EMC6: variants seen among roughly 807,000 people sequenced by gnomAD.
EMC6 encodes the protein transmembrane protein 93.
In EMC6, 1 loss-of-function variant was observed where a neutral mutation model predicts 6.5. The ratio of observed to expected loss-of-function variants is 0.15; its 90% CI spans 0.05 to 0.73. The LOEUF (loss-of-function observed/expected upper bound fraction) is 0.73, where lower values mean the gene tolerates loss of function less well. Among genes scored for constraint, EMC6 ranks in the 30% least tolerant of loss-of-function variants. The pLI is 0.78. For synonymous variants in EMC6, 96 were observed against 74.3 expected (o/e 1.29, Z -1.50); for missense variants, 114 against 146.7 (o/e 0.78, Z 1.15).
In EMC6 at chr17:3,668,944, TC is replaced by T; in HGVS notation, c.-50+48del. The stretch of plus-strand genomic sequence containing the variant: ...CGGGGAACGCAGACGCGCCACCACC[TC>T]CCGGCCGGCCCGGACCCTCAATCTC... On this transcript the variant is annotated intron_variant, in intron 1 of 1. Coordinates refer to ENST00000248378, the MANE Select transcript of EMC6 (RefSeq NM_031298.4). The surrounding 1 kb of genome is among the most constrained non-coding windows in gnomAD (Gnocchi z 4.1). The T allele has an allele frequency of 1.7e-6, 1 of 585,160 alleles. No individual in the cohort carries two copies. Among genetic ancestry groups the T allele is most frequent in the East Asian group, 3.0e-5 (1 of 32,946 alleles). 36.2% of individuals were successfully genotyped at this position (585,160 alleles called of 1,614,324 possible).
chr17:3,669,269 C>T lies in EMC6; in HGVS notation c.123C>T (p.Ala41=), dbSNP rs1453022195. ...TSVSALSGAT[A]GILGLTGLYG... ...TGTCAGCGCTGTCGGGGGCCACGGC[C>T]GGCATCCTCGGCCTCACCGGCCTCT... The change falls in exon 2 of 2, where the codon GCC becomes GCT. Residue 41 remains alanine, a synonymous_variant. Coordinates refer to ENST00000248378, the MANE Select transcript of EMC6 (RefSeq NM_031298.4). 4 of 1,613,898 alleles carry T rather than the reference C, an allele frequency of 2.5e-6. No homozygotes were observed. Among genetic ancestry groups the T allele is most frequent in the Non-Finnish European group, 2.5e-6 (3 of 1,180,012 alleles).
Position 3,669,583 on chromosome 17 carries a change from G to A in EMC6, c.*104G>A, listed in dbSNP as rs971358902. ...TAGTTCTTAAGTGGTTGAATTCGCT[G>A]CTTGTTCTGTAACGTTATAAATAAT... On this transcript the variant is annotated 3_prime_UTR_variant, in exon 2 of 2. Coordinates refer to ENST00000248378, the MANE Select transcript of EMC6 (RefSeq NM_031298.4). The A allele has an allele frequency of 1.2e-6, 1 of 851,958 alleles. No homozygotes were observed. Among genetic ancestry groups the A allele is most frequent in the Non-Finnish European group, 1.8e-6 (1 of 555,984 alleles). The allele number at this position is 851,958 out of a possible 1,614,324, so 52.8% of individuals were successfully genotyped here.
rs2049976403 is a variant in EMC6 at position 3,669,295 on chromosome 17, A to G, written c.149A>G (p.Tyr50Cys). ...GGCATCCTCGGCCTCACCGGCCTCT[A>G]CGGCTTCATCTTCTACCTGCTCGCC... ...TAGILGLTGL[Y>C]GFIFYLLASV... Residue 50 changes from tyrosine (Y) to cysteine (C), a missense_variant, in exon 2 of 2, where the codon TAC becomes TGC. Transcript: ENST00000248378. 5 of 1,614,094 alleles carry G rather than the reference A, an allele frequency of 3.1e-6. No homozygotes were observed. The highest frequency in any genetic ancestry group is 4.2e-6 in the Non-Finnish European group (5 of 1,180,030).
Position 3,668,962 on chromosome 17 carries a change from C to G in EMC6, c.-50+63C>G. 1 of 630,488 alleles carries G rather than the reference C, an allele frequency of 1.6e-6. No homozygotes were observed. The highest frequency in any genetic ancestry group is 2.6e-6 in the Non-Finnish European group (1 of 380,030). The allele number at this position is 630,488 out of a possible 1,614,324, so 39.1% of individuals were successfully genotyped here. A position where few individuals can be genotyped will look rare whatever the true frequency, so the allele number is the denominator to read the frequency against. Reference sequence around the variant, plus strand: ...CACCACCTCCCGGCCGGCCCGGACCCTCAATCTCCTCGGCGTCTTTGGAAG... The same window carrying G: ...CACCACCTCCCGGCCGGCCCGGACCGTCAATCTCCTCGGCGTCTTTGGAAG... On this transcript the variant is annotated intron_variant, in intron 1 of 1. Coordinates refer to ENST00000248378, the MANE Select transcript of EMC6 (RefSeq NM_031298.4). The surrounding 1 kb of genome is among the most constrained non-coding windows in gnomAD (Gnocchi z 4.1).
In EMC6 at chr17:3,668,991, C is replaced by T. The variant is rs959658981; in HGVS notation, c.-50+92C>T. On this transcript the variant is annotated intron_variant, in intron 1 of 1. Coordinates refer to ENST00000248378, the MANE Select transcript of EMC6 (RefSeq NM_031298.4). The surrounding 1 kb of genome is among the most constrained non-coding windows in gnomAD (Gnocchi z 4.1). Reference sequence around the variant, plus strand: ...ATCTCCTCGGCGTCTTTGGAAGATCCGAGGCCCAGGACTGGTGCCAGGTCT... The same window carrying T: ...ATCTCCTCGGCGTCTTTGGAAGATCTGAGGCCCAGGACTGGTGCCAGGTCT... The T allele has an allele frequency of 4.3e-6, 3 of 704,750 alleles. No homozygotes were observed. Among genetic ancestry groups the T allele is most frequent in the East Asian group, 2.9e-5 (1 of 34,866 alleles). 43.7% of individuals were successfully genotyped at this position (704,750 alleles called of 1,614,324 possible).
At position 3,669,371 on chromosome 17, in the gene EMC6, C is replaced by A. The variant is rs752424338; in HGVS notation, c.225C>A (p.Asn75Lys). ...TTCTCAAGGCGGGAAGGAGGTGGAA[C>A]AAATATTTCAAATCACGGAGACCTC... ...LLILKAGRRW[N>K]KYFKSRRPLF... is the part of the protein sequence containing the mutation. Residue 75 changes from asparagine (N) to lysine (K), a missense_variant, in exon 2 of 2, where the codon AAC becomes AAA. Asn to Lys is a moderately conservative substitution (Grantham distance 94). Coordinates refer to ENST00000248378, the MANE Select transcript of EMC6 (RefSeq NM_031298.4). The A allele has an allele frequency of 5.0e-6, 8 of 1,614,144 alleles. No individual in the cohort carries two copies. The South Asian group carries it at 6.6e-5, about 13-fold the overall frequency.
chr17:3,669,032 G>T, intron 1 of EMC6, 66 bp from the exon 2 acceptor site: 1 of 972,766 alleles, frequency 1.0e-6, no homozygotes, highest in Non-Finnish European at 1.5e-6. Context: ...GCTCCAGGGG[G>T]AGGGGGCGGC....
Position 3,668,992 on chromosome 17 carries a change from G to T in EMC6, c.-50+93G>T, listed in dbSNP as rs950105653. ...TCTCCTCGGCGTCTTTGGAAGATCC[G>T]AGGCCCAGGACTGGTGCCAGGTCTC... is the stretch of plus-strand genomic sequence containing the variant. On this transcript the variant is annotated intron_variant, in intron 1 of 1. Transcript: ENST00000248378. The surrounding 1 kb of genome is among the most constrained non-coding windows in gnomAD (Gnocchi z 4.1). 7.1e-6 allele frequency: 5 copies of T among 703,352 alleles called. No individual in the cohort carries two copies. The highest frequency in any genetic ancestry group is 1.1e-5 in the Non-Finnish European group (5 of 443,222). The allele number at this position is 703,352 out of a possible 1,614,324, so 43.6% of individuals were successfully genotyped here.
In EMC6 at chr17:3,669,580, G is replaced by A. The variant is rs1180031628; in HGVS notation, c.*101G>A. 2.2e-6 allele frequency: 2 copies of A among 893,540 alleles called. No homozygotes were observed. The highest frequency in any genetic ancestry group is 3.4e-6 in the Non-Finnish European group (2 of 592,694). 55.4% of individuals were successfully genotyped at this position (893,540 alleles called of 1,614,324 possible). A position where few individuals can be genotyped will look rare whatever the true frequency, so the allele number is the denominator to read the frequency against. ...CCTTAGTTCTTAAGTGGTTGAATTC[G>A]CTGCTTGTTCTGTAACGTTATAAAT... On this transcript the variant is annotated 3_prime_UTR_variant, in exon 2 of 2. Coordinates refer to ENST00000248378, the MANE Select transcript of EMC6 (RefSeq NM_031298.4).
rs746064873 is a variant in EMC6 at position 3,669,221 on chromosome 17, C to T, written c.75C>T (p.Val25=). Residue 25 remains valine, a synonymous_variant, in exon 2 of 2, where the codon GTC becomes GTT. Transcript: ENST00000248378. Reference sequence around the variant, plus strand: ...CGGCCGTGCGGGGCAACGCCGCCGTCCTGGATTATTGCCGGACCTCGGTGT... The same window carrying T: ...CGGCCGTGCGGGGCAACGCCGCCGTTCTGGATTATTGCCGGACCTCGGTGT... ...SEAAVRGNAA[V]LDYCRTSVSA... is the part of the protein sequence containing the mutation. 3 of 1,610,364 alleles carry T rather than the reference C, an allele frequency of 1.9e-6. No homozygotes were observed. The East Asian group carries it at 6.7e-5, about 36-fold the overall frequency.
rs773160798 is a variant in EMC6, at chr17:3,669,104, G to C, written c.-43G>C. The C allele has an allele frequency of 2.7e-6, 4 of 1,457,064 alleles. No homozygotes were observed. Among genetic ancestry groups the C allele is most frequent in the South Asian group, 2.8e-5 (2 of 71,976 alleles). The allele number at this position is 1,457,064 out of a possible 1,614,324, so 90.3% of individuals were successfully genotyped here. A position where few individuals can be genotyped will look rare whatever the true frequency, so the allele number is the denominator to read the frequency against. ...AACTTGGTTTTCTCCGCAGCTCCGCGTTGTTCCGCGAGAAAGCGAGAGGCC... is the reference window on the plus strand; with the variant it reads ...AACTTGGTTTTCTCCGCAGCTCCGCCTTGTTCCGCGAGAAAGCGAGAGGCC... On this transcript the variant is annotated 5_prime_UTR_variant, in exon 2 of 2. Coordinates refer to ENST00000248378, the MANE Select transcript of EMC6 (RefSeq NM_031298.4).
chr17:3,669,443 C>T lies in EMC6; in HGVS notation c.297C>T (p.Phe99=). 6.2e-7 allele frequency: 1 copy of T among 1,612,736 alleles called. No homozygotes were observed. Among genetic ancestry groups the T allele is most frequent in the Non-Finnish European group, 8.5e-7 (1 of 1,179,214 alleles). The part of the protein sequence containing the change: ...LIGGLFTYVL[F]WTFLYGMVHV... ...GGGGCCTCTTCACCTACGTCCTGTT[C>T]TGGACGTTCCTCTACGGCATGGTGC... The change falls in exon 2 of 2, where the codon TTC becomes TTT. Residue 99 remains phenylalanine (F), a synonymous_variant. Coordinates refer to ENST00000248378, the MANE Select transcript of EMC6 (RefSeq NM_031298.4).
At position 3,669,491 on chromosome 17, in the gene EMC6, G is replaced by A. The variant is rs774908257; in HGVS notation, c.*12G>A. The stretch of plus-strand genomic sequence containing the variant: ...TGCACGTCTACTGAAATGGGGGCCC[G>A]GGGGACTTTTTTAAAAAACCAGATC... On this transcript the variant is annotated 3_prime_UTR_variant, in exon 2 of 2. Coordinates refer to ENST00000248378, the MANE Select transcript of EMC6 (RefSeq NM_031298.4). 1.4e-5 allele frequency: 22 copies of A among 1,565,188 alleles called. No individual in the cohort carries two copies. In the South Asian group the frequency reaches 2.4e-4, roughly 17 times the overall value.
Position 3,668,836 on chromosome 17 carries a change from C to T in EMC6, c.-113C>T, listed in dbSNP as rs1005429563. On this transcript the variant is annotated 5_prime_UTR_variant, in exon 1 of 2. Coordinates refer to ENST00000248378, the MANE Select transcript of EMC6 (RefSeq NM_031298.4). The surrounding 1 kb of genome is among the most constrained non-coding windows in gnomAD (Gnocchi z 4.1). Reference sequence around the variant, plus strand: ...CAGTCTTCCGAGCAAGATGGCGCCGCGGGCATTTCTTCCACTGCCCGTCTG... The same window carrying T: ...CAGTCTTCCGAGCAAGATGGCGCCGTGGGCATTTCTTCCACTGCCCGTCTG... The T allele has an allele frequency of 3.9e-6, 2 of 508,644 alleles. No individual in the cohort carries two copies. Among genetic ancestry groups the T allele is most frequent in the Admixed American group, 3.9e-5 (1 of 25,870 alleles). 31.5% of individuals were successfully genotyped at this position (508,644 alleles called of 1,614,324 possible). A position where few individuals can be genotyped will look rare whatever the true frequency, so the allele number is the denominator to read the frequency against.
chr17:3,669,102 G>A lies in EMC6; in HGVS notation c.-45G>A, dbSNP rs533024272. ...GTAACTTGGTTTTCTCCGCAGCTCC[G>A]CGTTGTTCCGCGAGAAAGCGAGAGG... On this transcript the variant is annotated 5_prime_UTR_variant, in exon 2 of 2. Transcript: ENST00000248378. 2.8e-6 allele frequency: 4 copies of A among 1,454,460 alleles called. No individual in the cohort carries two copies. The highest frequency in any genetic ancestry group is 1.4e-5 in the South Asian group (1 of 71,726). The allele number at this position is 1,454,460 out of a possible 1,614,324, so 90.1% of individuals were successfully genotyped here. A position where few individuals can be genotyped will look rare whatever the true frequency, so the allele number is the denominator to read the frequency against.
rs776453025 is a variant in EMC6, at chr17:3,669,569, T to G, written c.*90T>G. ...CATGTAGACTTCCTTAGTTCTTAAG[T>G]GGTTGAATTCGCTGCTTGTTCTGTA... is the stretch of plus-strand genomic sequence containing the variant. On this transcript the variant is annotated 3_prime_UTR_variant, in exon 2 of 2. Transcript: ENST00000248378. 16 of 1,050,126 alleles carry G rather than the reference T, an allele frequency of 1.5e-5. No individual in the cohort carries two copies. The highest frequency in any genetic ancestry group is 2.1e-5 in the Non-Finnish European group (15 of 729,050). The allele number at this position is 1,050,126 out of a possible 1,614,324, so 65.1% of individuals were successfully genotyped here.
rs1340156501 is a variant in EMC6 at position 3,669,312 on chromosome 17, C to T, written c.166C>T (p.Leu56=). ...CGGCCTCTACGGCTTCATCTTCTACCTGCTCGCCTCCGTCCTGCTCTCCCT... is the reference window on the plus strand; with the variant it reads ...CGGCCTCTACGGCTTCATCTTCTACTTGCTCGCCTCCGTCCTGCTCTCCCT... ...LTGLYGFIFY[L]LASVLLSLLL... The change falls in exon 2 of 2, where the codon CTG becomes TTG. Residue 56 remains leucine (L), a synonymous_variant. Coordinates refer to ENST00000248378, the MANE Select transcript of EMC6 (RefSeq NM_031298.4). 1.2e-6 allele frequency: 2 copies of T among 1,614,076 alleles called. No homozygotes were observed. The highest frequency in any genetic ancestry group is 2.2e-5 in the East Asian group (1 of 44,900).
At chr17:3,669,017 C>A in intron 1 of EMC6, 81 bp from the exon 2 acceptor site, 2 of 870,258 alleles carry the variant, frequency 2.3e-6, no homozygotes, top group South Asian at 1.8e-5. Flanking sequence ...TGCCAGGTCT[C>A]GGAAGCTCCA....
intron 1 of EMC6, 49 bp from the exon 2 acceptor site, chr17:3,669,049 C>G (rs2049970786): frequency 8.2e-7 from 1 of 1,223,960 alleles, no homozygotes. Context: ...CGGCGTGAAC[C>G]CAACTCACCG....
Sources: allele counts gnomAD v4.1 joint callset, GRCh38; gene constraint gnomAD v4.1.1; non-coding constraint Gnocchi (gnomAD v3.1); transcripts MANE v1.5; gene names NCBI Gene and HGNC (gene_info 2026-07-23, HGNC 2026-07-21).